Variants in STAG2 observed in about 807,000 individuals in gnomAD.
The protein encoded by STAG2 is cohesin subunit SA-2.
A neutral mutation model predicts 108.1 loss-of-function variants in STAG2; 14 were observed. That is an observed-to-expected ratio of 0.13 (90% CI 0.09 to 0.20). The LOEUF (loss-of-function observed/expected upper bound fraction) is 0.20. Among genes scored for constraint, STAG2 ranks in the 10% least tolerant of loss-of-function variants. STAG2 has a pLI of 1.00. For synonymous variants in STAG2, 307 were observed against 302.7 expected, an observed-to-expected ratio of 1.01 and a Z score of -0.15; for missense variants, 440 against 940.9, an observed-to-expected ratio of 0.47 and a Z score of 6.96.
At chrX:123,975,182 G>A (rs1408251846) in intron 1 of STAG2, among the ~76,000 whole-genome samples, 3 of 111,293 alleles carry the variant, frequency 2.7e-5, no homozygotes, top group Non-Finnish European at 3.8e-5. Context: ...TATATATAAA[G>A]ATAGGAAAAT....
At chrX:124,064,913 TCA>T (rs1412951668) in intron 20 of STAG2, among the ~76,000 whole-genome samples, 4 of 111,527 alleles carry the variant, frequency 3.6e-5, no homozygotes, top group South Asian at 3.7e-4. Flanking sequence ...ATATTTACAT[TCA>T]GTTTTTTTGA....
At chrX:124,083,634 C>T in intron 29 of STAG2, 85 bp downstream of exon 29, 3 of 802,760 alleles carry the variant, frequency 3.7e-6, no homozygotes, top group Non-Finnish European at 5.1e-6. Context: ...CTCCTTTCTA[C>T]TCACACAGAA....
chrX:124,089,189 G>A (rs949689957), intron 30 of STAG2, among the ~76,000 whole-genome samples: 21 of 111,693 alleles, frequency 1.9e-4, no homozygotes, highest in Non-Finnish European at 1.3e-4. Context: ...GATTATAGGC[G>A]TGAGCCACTA....
intron 1 of STAG2, among the ~76,000 whole-genome samples, chrX:123,970,837 A>G (rs1354310442): frequency 8.9e-6 from 1 of 111,922 alleles, no homozygotes; most frequent in African/African-American, 3.2e-5. Flanking sequence ...CTTTGTGTGT[A>G]TTAGCTTACT....
intron 15 of STAG2, among the ~76,000 whole-genome samples, chrX:124,059,968 G>T (rs1009104238): frequency 9.0e-6 from 1 of 111,164 alleles, no homozygotes; most frequent in African/African-American, 3.3e-5. Flanking sequence ...GGCCCGGTTT[G>T]CCAGTTTTTG....
At position 124,057,823 on chromosome X, in the gene STAG2, T is replaced by C. The variant is rs2058250973; in HGVS notation, c.1305-43T>C. 3 of 895,327 alleles carry C rather than the reference T, an allele frequency of 3.4e-6. No individual in the cohort carries two copies. The East Asian group carries it at 1.0e-4, about 30-fold the overall frequency. 73.8% of individuals were successfully genotyped at this position (895,327 alleles called of 1,213,427 possible). On this transcript the variant is annotated intron_variant, in intron 14 of 34. Transcript: ENST00000371145. ...GTTAATTTTTTTATTAGAAAATTTT[T>C]TGTTGTTGTTGTCGTAAAATAAATA...
At chrX:123,997,289 A>G (rs1313297151) in intron 1 of STAG2, among the ~76,000 whole-genome samples, 1 of 112,614 alleles carries the variant, frequency 8.9e-6, no homozygotes, top group Non-Finnish European at 1.9e-5. Context: ...ACAGATTTCT[A>G]AAAATTGTGG....
intron 5 of STAG2, among the ~76,000 whole-genome samples, chrX:124,034,639 C>G (rs2148093941): frequency 9.0e-6 from 1 of 111,246 alleles, no homozygotes; most frequent in East Asian, 2.8e-4. Context: ...TTACTCCCCC[C>G]TTGCATATCA....
At position 124,057,895 on chromosome X, in the gene STAG2, A is replaced by T. The variant is rs1569514541; in HGVS notation, c.1334A>T (p.Asp445Val). The change falls in exon 15 of 35, where the codon GAT (aspartate) becomes GTT (valine). Residue 445 changes from aspartate (D) to valine (V), a missense_variant. Physicochemically the swap from Asp to Val is radical, Grantham distance 152. This residue lies in a region of STAG2 where 337 missense variants were observed against 649.3 expected (regional missense o/e 0.52). Coordinates refer to ENST00000371145, the MANE Select transcript of STAG2 (RefSeq NM_001042750.2). ...KLFSRRDPEE[D>V]GMMKRRGRQG... ...TTCAGTCGTAGAGATCCAGAGGAGG[A>T]TGGAATGATGAAAAGAAGAGGAAGA... is the stretch of plus-strand genomic sequence containing the variant. 8.4e-7 allele frequency: 1 copy of T among 1,190,444 alleles called. No homozygotes were observed. Among genetic ancestry groups the T allele is most frequent in the Non-Finnish European group, 1.1e-6 (1 of 884,279 alleles).
At chrX:124,010,298 C>T (rs1045407672) in intron 1 of STAG2, among the ~76,000 whole-genome samples, 1 of 111,217 alleles carries the variant, frequency 9.0e-6, no homozygotes, top group African/African-American at 3.3e-5. Context: ...TTTCTCTTCC[C>T]CTAGTCCCTG....
chrX:124,013,388 C>CAG (rs1011522327), intron 1 of STAG2, among the ~76,000 whole-genome samples: 1 of 110,766 alleles, frequency 9.0e-6, no homozygotes, highest in African/African-American at 3.3e-5. Context: ...ATGTGGTATT[C>CAG]AGATATAAGT....
chrX:124,085,110 A>G (rs1432826226), intron 29 of STAG2, among the ~76,000 whole-genome samples: 1 of 112,436 alleles, frequency 8.9e-6, no homozygotes, highest in Non-Finnish European at 1.9e-5. Flanking sequence ...ATAGATTGAT[A>G]TATAATGGAA....
chrX:124,064,195 T>C (rs1445132130), intron 20 of STAG2, 144 bp downstream of exon 20: 4 of 444,759 alleles, frequency 9.0e-6, no homozygotes, highest in Non-Finnish European at 1.5e-5. Context: ...CTATGACTCA[T>C]CAGGCTACTC....
At chrX:124,012,829 C>G (rs767769627) in intron 1 of STAG2, among the ~76,000 whole-genome samples, 2 of 111,780 alleles carry the variant, frequency 1.8e-5, no homozygotes, top group South Asian at 3.7e-4. Flanking sequence ...GGCTACAGTT[C>G]TATCTTCATT....
intron 27 of STAG2, among the ~76,000 whole-genome samples, 171 bp from the exon 28 acceptor site, chrX:124,081,209 A>G (rs966688861): frequency 1.8e-5 from 2 of 112,297 alleles, no homozygotes; most frequent in East Asian, 2.8e-4. Flanking sequence ...TCCAGTTTAA[A>G]TATACGAAGT....
At chrX:124,090,188 GT>G (rs2059223099) in intron 30 of STAG2, among the ~76,000 whole-genome samples, 1 of 69,564 alleles carries the variant, frequency 1.4e-5, no homozygotes, top group East Asian at 6.3e-4. Context: ...AAAAAAAAAG[GT>G]TTAGTCCTTG....
At chrX:124,034,022 C>T (rs1185990184) in intron 5 of STAG2, among the ~76,000 whole-genome samples, 2 of 111,428 alleles carry the variant, frequency 1.8e-5, no homozygotes, top group Non-Finnish European at 3.8e-5. Context: ...ACATTGACTA[C>T]AGTTCAACAT....
intron 14 of STAG2, among the ~76,000 whole-genome samples, chrX:124,057,474 G>A (rs1190444032): frequency 8.9e-6 from 1 of 112,096 alleles, no homozygotes; most frequent in African/African-American, 3.2e-5. Context: ...TTTGCCAGAA[G>A]GATGGAAGGA....
At chrX:124,005,643 A>G (rs1282147891) in intron 1 of STAG2, among the ~76,000 whole-genome samples, 1 of 111,988 alleles carries the variant, frequency 8.9e-6, no homozygotes, top group Non-Finnish European at 1.9e-5. Flanking sequence ...ATGTTGTTAT[A>G]TTTCAGTAAT....
Sources: allele counts gnomAD v4.1 joint callset (sites outside exome capture counted in the v4.1 genomes callset), GRCh38; gene constraint gnomAD v4.1.1; regional missense constraint gnomAD v4.1.1; transcripts MANE v1.5; gene names NCBI Gene and HGNC (gene_info 2026-07-23, HGNC 2026-07-21).